PTGER3: variants seen among roughly 807,000 people sequenced by gnomAD.
PTGER3 encodes prostaglandin E receptor 3.
Under a neutral mutation model 34.7 loss-of-function variants are expected in PTGER3, and 22 were observed. The observed-to-expected ratio is 0.63, with a 90% confidence interval of 0.45 to 0.91. PTGER3 has a LOEUF of 0.91. Ranked by LOEUF, PTGER3 falls within the 40% of genes least tolerant of loss-of-function variation. The pLI is 0.00. For synonymous variants in PTGER3, 241 were observed against 230.1 expected (o/e 1.05, Z -0.43); for missense variants, 468 against 519.4 (o/e 0.90, Z 0.96).
intron 2 of PTGER3, among the ~76,000 whole-genome samples, chr1:70,959,610 C>T (rs577127237): frequency 6.6e-6 from 1 of 152,218 alleles, no homozygotes; most frequent in Non-Finnish European, 1.5e-5. Flanking sequence ...ATCCGTCTGC[C>T]ACAGCTTCCC....
chr1:70,912,340 A>G (rs1647078605), intron 4 of PTGER3, among the ~76,000 whole-genome samples: 1 of 152,118 alleles, frequency 6.6e-6, no homozygotes, highest in Non-Finnish European at 1.5e-5. Context: ...AAACTGTAAC[A>G]TAATCAACAG....
chr1:70,852,738 G>T (rs907251769), exon 5 of PTGER3: 126 of 1,402,054 alleles, frequency 9.0e-5, no homozygotes, highest in Middle Eastern at 8.9e-4. Context: ...AGAAGTAAAA[G>T]AGAATAGTTT....
chr1:70,896,451 G>A (rs1289619465), intron 4 of PTGER3, among the ~76,000 whole-genome samples: 1 of 152,112 alleles, frequency 6.6e-6, no homozygotes, highest in Non-Finnish European at 1.5e-5. Context: ...GCTAAGAGAA[G>A]CATTGGAACA....
chr1:70,933,008 A>G (rs1251418508), intron 4 of PTGER3, among the ~76,000 whole-genome samples: 1 of 152,164 alleles, frequency 6.6e-6, no homozygotes, highest in African/African-American at 2.4e-5. Flanking sequence ...TATCAGTATC[A>G]TATGTTATAT....
At chr1:70,915,039 G>A (rs1647143389) in intron 4 of PTGER3, among the ~76,000 whole-genome samples, 1 of 151,780 alleles carries the variant, frequency 6.6e-6, no homozygotes, top group African/African-American at 2.4e-5. Flanking sequence ...ACAGTTCCTG[G>A]GACTTACTGA....
intron 1 of PTGER3, among the ~76,000 whole-genome samples, 173 bp downstream of exon 1, chr1:71,046,508 G>A (rs1660830485): frequency 1.3e-5 from 2 of 152,220 alleles, no homozygotes; most frequent in Non-Finnish European, 2.9e-5. Flanking sequence ...CAGCTAGTAA[G>A]TGAGGAGCTC....
chr1:71,006,246 G>A (rs1487490143), intron 2 of PTGER3: 83 of 985,226 alleles, frequency 8.4e-5, no homozygotes, highest in Non-Finnish European at 1.0e-4. Context: ...GAGGAACCAG[G>A]GACAGAATTC....
chr1:70,853,749 C>T (rs565730348), intron 4 of PTGER3, among the ~76,000 whole-genome samples: 81 of 152,192 alleles, frequency 5.3e-4, no homozygotes, highest in African/African-American at 1.7e-3. Context: ...GTAATCTAAA[C>T]GGTGTGGTAC....
At chr1:70,915,252 T>C (rs970614433) in intron 4 of PTGER3, among the ~76,000 whole-genome samples, 3 of 151,928 alleles carry the variant, frequency 2.0e-5, no homozygotes, top group Admixed American at 1.3e-4. Context: ...TCCCCCTCAC[T>C]AGGCTATGAA....
At chr1:70,951,114 G>A (rs902668548), downstream of PTGER3, 4 of 152,050 alleles carry the variant, frequency 2.6e-5, no homozygotes, top group Admixed American at 6.5e-5. Context: ...GCTAACTATC[G>A]ATTGCATGCT....
At chr1:71,010,965 C>T in intron 2 of PTGER3, 3 of 985,618 alleles carry the variant, frequency 3.0e-6, no homozygotes, top group Non-Finnish European at 3.6e-6. Flanking sequence ...AAAAGCAGTG[C>T]AAGAAACTGC....
At chr1:70,956,182 T>C (rs796888980) in intron 2 of PTGER3, among the ~76,000 whole-genome samples, 2 of 152,294 alleles carry the variant, frequency 1.3e-5, no homozygotes, top group African/African-American at 4.8e-5. Flanking sequence ...CCTATAATGA[T>C]TTGTATATAC....
chr1:70,985,013 G>A (rs1172700795), intron 2 of PTGER3, among the ~76,000 whole-genome samples: 2 of 152,102 alleles, frequency 1.3e-5, no homozygotes, highest in Non-Finnish European at 2.9e-5. Context: ...CAGCCCTAGG[G>A]AAATGGGAGA....
At chr1:70,880,715 A>G (rs2225025) in intron 4 of PTGER3, among the ~76,000 whole-genome samples, 51,419 of 150,974 alleles carry the variant, frequency 0.34, 9,337 homozygotes, top group Non-Finnish European at 0.4. Context: ...AAAAAAAAGA[A>G]TGGTGAATAT....
At chr1:70,854,350 C>G (rs1645752119) in intron 4 of PTGER3, among the ~76,000 whole-genome samples, 2 of 152,108 alleles carry the variant, frequency 1.3e-5, no homozygotes, top group Admixed American at 1.3e-4. Context: ...AAATGGCTAA[C>G]AAGTGACAAG....
chr1:70,944,259 T>C (rs1650018756), intron 4 of PTGER3, among the ~76,000 whole-genome samples: 1 of 152,104 alleles, frequency 6.6e-6, no homozygotes, highest in Non-Finnish European at 1.5e-5. Flanking sequence ...TGACCTAAAC[T>C]AGGTCAATAA....
chr1:71,007,961 A>T, intron 2 of PTGER3: 1 of 985,114 alleles, frequency 1.0e-6, no homozygotes, highest in Non-Finnish European at 1.2e-6. Context: ...TCTTATCTTT[A>T]CTCCCATAAT....
At chr1:70,895,798 A>G (rs996323748) in intron 4 of PTGER3, among the ~76,000 whole-genome samples, 4 of 152,212 alleles carry the variant, frequency 2.6e-5, no homozygotes, top group African/African-American at 9.6e-5. Flanking sequence ...TATCACATGT[A>G]AGAACTATAG....
chr1:70,976,174 T>C (rs1653677784), intron 2 of PTGER3, among the ~76,000 whole-genome samples: 1 of 150,690 alleles, frequency 6.6e-6, no homozygotes, highest in African/African-American at 2.4e-5. Flanking sequence ...GAGCCAAGAG[T>C]TCTGCAGCAT....
Sources: allele counts gnomAD v4.1 joint callset (sites outside exome capture counted in the v4.1 genomes callset), GRCh38; gene constraint gnomAD v4.1.1; transcripts MANE v1.5; gene names NCBI Gene and HGNC (gene_info 2026-07-23, HGNC 2026-07-21).